ITFG1: variants seen among roughly 807,000 people sequenced by gnomAD.
ITFG1 encodes integrin alpha FG-GAP repeat containing 1.
ITFG1 carries 34 observed loss-of-function variants against 81.8 expected under a neutral mutation model. That is an observed-to-expected ratio of 0.42 (90% CI 0.32 to 0.55). The LOEUF (loss-of-function observed/expected upper bound fraction) is 0.55, where lower values mean the gene tolerates loss of function less well. Ranked by LOEUF, ITFG1 falls within the 20% of genes least tolerant of loss-of-function variation. The probability of loss-of-function intolerance (pLI) is 0.17; values close to 1 mark genes in which losing one functional copy is unlikely to be tolerated. For synonymous variants in ITFG1, 285 were observed against 270.6 expected, an observed-to-expected ratio of 1.05 and a Z score of -0.52; for missense variants, 672 against 755.4, an observed-to-expected ratio of 0.89 and a Z score of 1.29.
intron 14 of ITFG1, among the ~76,000 whole-genome samples, chr16:47,197,713 C>T (rs1965375887): frequency 6.6e-6 from 1 of 152,154 alleles, no homozygotes; most frequent in African/African-American, 2.4e-5. Flanking sequence ...GCACAACACC[C>T]ACTTGGGTGA....
chr16:47,454,697 T>A (rs936158428), intron 2 of ITFG1, among the ~76,000 whole-genome samples: 4 of 152,172 alleles, frequency 2.6e-5, no homozygotes, highest in African/African-American at 7.2e-5. Context: ...CAATATAGCA[T>A]CCAAACATAT....
At chr16:47,385,692 T>A (rs932260826) in intron 6 of ITFG1, among the ~76,000 whole-genome samples, 1 of 152,252 alleles carries the variant, frequency 6.6e-6, no homozygotes. Context: ...TCCTCAGTTT[T>A]CTCTGCCTGC....
chr16:47,171,048 T>G (rs1276192715), intron 14 of ITFG1, among the ~76,000 whole-genome samples: 5 of 149,906 alleles, frequency 3.3e-5, no homozygotes, highest in African/African-American at 1.2e-4. Context: ...TTTTTTTTTT[T>G]TGAGACAGGG....
chr16:47,368,851 T>C (rs1425360958), intron 7 of ITFG1, among the ~76,000 whole-genome samples: 1 of 152,178 alleles, frequency 6.6e-6, no homozygotes, highest in African/African-American at 2.4e-5. Flanking sequence ...ACTTTCACAC[T>C]GAGCATCAAT....
At chr16:47,280,553 T>TA (rs2151550014) in intron 10 of ITFG1, among the ~76,000 whole-genome samples, 1 of 152,310 alleles carries the variant, frequency 6.6e-6, no homozygotes, top group Non-Finnish European at 1.5e-5. Context: ...ATGGAGCTCC[T>TA]AAATGGAATT....
chr16:47,418,238 C>T lies in ITFG1; in HGVS notation c.655+10566G>A, dbSNP rs530870746. ...TCAATAGGATTATTTGCTTTCTTAC[C>T]GTTGAATTCTTTGAGTTCATTGTAT... On this transcript the variant is annotated intron_variant, in intron 6 of 17. Transcript: ENST00000320640. Among the ~76,000 whole-genome samples, 130 of 152,120 alleles carry T rather than the reference C, an allele frequency of 8.5e-4. 1 individual carries two copies. Among genetic ancestry groups the T allele is most frequent in the Admixed American group, 2.0e-3 (30 of 15,274 alleles).
chr16:47,297,470 AC>A (rs1475947882), intron 10 of ITFG1, among the ~76,000 whole-genome samples: 1 of 152,012 alleles, frequency 6.6e-6, no homozygotes, highest in African/African-American at 2.4e-5. Context: ...GTAAGTACTA[AC>A]CCTTTGTTTC....
chr16:47,324,402 TCAAG>T, intron 8 of ITFG1, among the ~76,000 whole-genome samples: 1 of 152,074 alleles, frequency 6.6e-6, no homozygotes, highest in Non-Finnish European at 1.5e-5. Context: ...GTAAAGACCA[TCAAG>T]GCTAGGAAGA....
chr16:47,199,086 C>A (rs766151389), intron 14 of ITFG1, among the ~76,000 whole-genome samples: 1 of 152,046 alleles, frequency 6.6e-6, no homozygotes, highest in African/African-American at 2.4e-5. Context: ...CCAGCCTAGG[C>A]AACATGGTGA....
chr16:47,230,509 A>G (rs1347362664), intron 13 of ITFG1, among the ~76,000 whole-genome samples: 1 of 152,172 alleles, frequency 6.6e-6, no homozygotes, highest in Non-Finnish European at 1.5e-5. Flanking sequence ...ATATGTATAC[A>G]TGTACAGATA....
At chr16:47,265,632 T>C (rs2151544072) in intron 10 of ITFG1, among the ~76,000 whole-genome samples, 1 of 152,254 alleles carries the variant, frequency 6.6e-6, no homozygotes, top group African/African-American at 2.4e-5. Context: ...CAGTATTCAC[T>C]AAAATAAGAT....
chr16:47,304,882 T>C (rs1389691443), intron 10 of ITFG1, among the ~76,000 whole-genome samples: 3 of 152,320 alleles, frequency 2.0e-5, no homozygotes, highest in South Asian at 4.1e-4. Context: ...AAAAAGCTGA[T>C]TGATATTAAA....
In ITFG1 at chr16:47,292,331, G is replaced by A. The variant is rs149520889; in HGVS notation, c.1070+18909C>T. The stretch of plus-strand genomic sequence containing the variant: ...CCAGCCTTTCCTTGCTTTTTAATGT[G>A]TTTTTCTGTGTCCCTATATTGATGT... On this transcript the variant is annotated intron_variant, in intron 10 of 17. Coordinates refer to ENST00000320640, the MANE Select transcript of ITFG1 (RefSeq NM_030790.5). 2.9e-4 allele frequency among the ~76,000 whole-genome samples: 44 copies of A among 152,190 alleles called. 1 individual carries two copies. In the East Asian group the frequency reaches 8.5e-3, roughly 29 times the overall value.
At chr16:47,179,699 T>C (rs1347593633) in intron 14 of ITFG1, among the ~76,000 whole-genome samples, 15 of 152,186 alleles carry the variant, frequency 9.9e-5, no homozygotes, top group Non-Finnish European at 2.2e-4. Context: ...AAGTGGTTAA[T>C]ACCTTTTAAA....
At chr16:47,301,694 C>G (rs1253368752) in intron 10 of ITFG1, among the ~76,000 whole-genome samples, 1 of 152,178 alleles carries the variant, frequency 6.6e-6, no homozygotes, top group Non-Finnish European at 1.5e-5. Context: ...TCGTGCCCAG[C>G]TATTTCCAAT....
intron 8 of ITFG1, among the ~76,000 whole-genome samples, chr16:47,346,456 T>C (rs1967856271): frequency 6.6e-6 from 1 of 152,150 alleles, no homozygotes; most frequent in Non-Finnish European, 1.5e-5. Context: ...AATAAACACA[T>C]ATCTCAGAAA....
intron 12 of ITFG1, among the ~76,000 whole-genome samples, chr16:47,243,310 G>A (rs1267081165): frequency 6.6e-6 from 1 of 152,166 alleles, no homozygotes; most frequent in Non-Finnish European, 1.5e-5. Context: ...TGGGAGATGA[G>A]TAAAAGGGAG....
At chr16:47,379,836 G>A (rs1968373599) in intron 6 of ITFG1, among the ~76,000 whole-genome samples, 1 of 151,974 alleles carries the variant, frequency 6.6e-6, no homozygotes, top group Non-Finnish European at 1.5e-5. Context: ...TCTTGCAATA[G>A]TATTCTGGTG....
chr16:47,382,059 A>C (rs1285949475), intron 6 of ITFG1, among the ~76,000 whole-genome samples: 5 of 152,234 alleles, frequency 3.3e-5, no homozygotes, highest in Non-Finnish European at 7.3e-5. Context: ...GCTCCAGACA[A>C]TTGTTGTTGT....
Sources: allele counts gnomAD v4.1 joint callset (sites outside exome capture counted in the v4.1 genomes callset), GRCh38; gene constraint gnomAD v4.1.1; transcripts MANE v1.5; gene names NCBI Gene and HGNC (gene_info 2026-07-23, HGNC 2026-07-21).